RYR2: variants seen among roughly 807,000 people sequenced by gnomAD.
The protein encoded by RYR2 is ryanodine receptor 2.
In RYR2, 227 loss-of-function variants were observed where a neutral mutation model predicts 601.1. The ratio of observed to expected loss-of-function variants is 0.38; its 90% CI spans 0.34 to 0.42. RYR2 has a LOEUF of 0.42. Ranked by LOEUF, RYR2 falls within the 10% of genes least tolerant of loss-of-function variation. The probability of loss-of-function intolerance (pLI) is 1.00; values close to 1 mark genes in which losing one functional copy is unlikely to be tolerated. For synonymous variants in RYR2, 2,223 were observed against 2,175.1 expected, an observed-to-expected ratio of 1.02 and a Z score of -0.61; for missense variants, 4,646 against 6,156.5, an observed-to-expected ratio of 0.75 and a Z score of 8.21.
intron 1 of RYR2, among the ~76,000 whole-genome samples, chr1:237,065,245 C>A (rs1558171103): frequency 6.8e-6 from 1 of 147,844 alleles, no homozygotes; most frequent in Non-Finnish European, 1.5e-5. Flanking sequence ...CTGTTCCATC[C>A]TCAAAGAGCT....
intron 60 of RYR2, among the ~76,000 whole-genome samples, chr1:237,676,518 G>A (rs974189149): frequency 1.3e-5 from 2 of 152,144 alleles, no homozygotes; most frequent in African/African-American, 2.4e-5. Flanking sequence ...CTGATGTTGT[G>A]TGTACCGTTT....
At chr1:237,290,639 T>A (rs1210438549) in intron 2 of RYR2, among the ~76,000 whole-genome samples, 1 of 152,146 alleles carries the variant, frequency 6.6e-6, no homozygotes, top group Non-Finnish European at 1.5e-5. Flanking sequence ...CCATAGTATG[T>A]AAAGCAAACA....
chr1:237,548,071 GA>G (rs373869664), intron 25 of RYR2, among the ~76,000 whole-genome samples: 87 of 152,236 alleles, frequency 5.7e-4, no homozygotes, highest in African/African-American at 2.0e-3. Context: ...GACTTCACAG[GA>G]AGAGAAATCT....
intron 16 of RYR2, among the ~76,000 whole-genome samples, chr1:237,468,150 C>T (rs1660291197): frequency 6.6e-6 from 1 of 151,946 alleles, no homozygotes; most frequent in South Asian, 2.1e-4. Context: ...GAGCCACCAC[C>T]CCTGGCCTAC....
At chr1:237,139,626 A>G (rs1404000187) in intron 1 of RYR2, among the ~76,000 whole-genome samples, 2 of 152,176 alleles carry the variant, frequency 1.3e-5, no homozygotes, top group African/African-American at 4.8e-5. Context: ...TACCATGACA[A>G]TATCTCTGTG....
chr1:237,274,787 T>G (rs1690092334), intron 2 of RYR2, among the ~76,000 whole-genome samples: 1 of 152,136 alleles, frequency 6.6e-6, no homozygotes, highest in Non-Finnish European at 1.5e-5. Context: ...ATATCACATT[T>G]TTACTGTACT....
intron 1 of RYR2, among the ~76,000 whole-genome samples, chr1:237,179,076 A>T (rs976638235): frequency 2.0e-5 from 3 of 152,164 alleles, no homozygotes; most frequent in African/African-American, 7.2e-5. Flanking sequence ...AATAGCTCTT[A>T]TAATAAATGT....
chr1:237,204,538 A>G (rs568229428), intron 1 of RYR2, among the ~76,000 whole-genome samples: 24 of 152,064 alleles, frequency 1.6e-4, no homozygotes, highest in African/African-American at 5.1e-4. Context: ...CTAGGGTCGA[A>G]TCCTGCAAAT....
Position 237,614,184 on chromosome 1 carries a change from C to G in RYR2, c.5056C>G (p.Leu1686Val). The G allele has an allele frequency of 2.5e-6, 4 of 1,614,022 alleles. No individual in the cohort carries two copies. Among genetic ancestry groups the G allele is most frequent in the Non-Finnish European group, 3.4e-6 (4 of 1,179,894 alleles). ...CAGCCATGTGGATGAACCTCAGCTC[C>G]TCTATGCCATTGAGAACAAGTACAT... ...LCSHVDEPQL[L>V]YAIENKYMPG... is the part of the protein sequence containing the mutation. Residue 1686 changes from leucine (L) to valine (V), a missense_variant, in exon 37 of 105, where the codon CTC becomes GTC. By Grantham distance (32) the Leu-to-Val change is conservative (BLOSUM62 1). Transcript: ENST00000366574. This position sits in a 1 kb window ranked among gnomAD's most constrained non-coding sequence, Gnocchi z 4.3.
chr1:237,444,354 C>T (rs924114045), intron 13 of RYR2, among the ~76,000 whole-genome samples: 5 of 152,038 alleles, frequency 3.3e-5, no homozygotes, highest in African/African-American at 1.2e-4. Context: ...TTAATCAGGG[C>T]ACTTAAGGCT....
chr1:237,219,632 C>G (rs996487738), intron 1 of RYR2, among the ~76,000 whole-genome samples: 1 of 152,116 alleles, frequency 6.6e-6, no homozygotes, highest in Non-Finnish European at 1.5e-5. Flanking sequence ...GAGTACTGCA[C>G]AAACCTGAGA....
At chr1:237,216,899 C>T (rs1683241350) in intron 1 of RYR2, among the ~76,000 whole-genome samples, 1 of 152,128 alleles carries the variant, frequency 6.6e-6, no homozygotes, top group South Asian at 2.1e-4. Context: ...TGGCCCAGTG[C>T]TTTGTGCATA....
At chr1:237,114,676 TG>T (rs921174267) in intron 1 of RYR2, among the ~76,000 whole-genome samples, 12 of 152,246 alleles carry the variant, frequency 7.9e-5, no homozygotes, top group African/African-American at 2.6e-4. Context: ...AGGAAAATAA[TG>T]GGGGAAGGGG....
At chr1:237,671,520 C>CGTGTGT (rs368296995) in intron 58 of RYR2, among the ~76,000 whole-genome samples, 1 of 140,604 alleles carries the variant, frequency 7.1e-6, no homozygotes, top group African/African-American at 2.7e-5. Flanking sequence ...TGTGTGTGTG[C>CGTGTGT]GTGTGTGTGT....
intron 87 of RYR2, 53 bp from the exon 88 acceptor site, chr1:237,778,613 T>G (rs1694852701): frequency 2.1e-6 from 2 of 950,616 alleles, no homozygotes; most frequent in African/African-American, 3.2e-5. Flanking sequence ...GTACAGTTTG[T>G]TTTGGCAAAT....
chr1:237,640,773 A>T (rs1681381030), intron 46 of RYR2, 124 bp from the exon 47 acceptor site: 1 of 746,274 alleles, frequency 1.3e-6, no homozygotes, highest in African/African-American at 1.7e-5. Flanking sequence ...ATTATAACAT[A>T]TATGAAACAT....
intron 100 of RYR2, among the ~76,000 whole-genome samples, chr1:237,814,958 CTTT>C (rs1207413143): frequency 8.2e-6 from 1 of 122,616 alleles, no homozygotes; most frequent in Non-Finnish European, 1.7e-5. Flanking sequence ...CTCCTTTTTT[CTTT>C]TTTCTTTTTT....
At position 237,600,727 on chromosome 1, in the gene RYR2, A is replaced by G. The variant is rs1676409064; in HGVS notation, c.4597-1298A>G. 2.6e-5 allele frequency among the ~76,000 whole-genome samples: 4 copies of G among 152,216 alleles called. No homozygotes were observed. The South Asian group carries it at 6.2e-4, about 24-fold the overall frequency. The stretch of plus-strand genomic sequence containing the variant: ...CTGATAAGGGATCAATATCCAGAAT[A>G]TATAAGGAACACAAACAACAATAGT... On this transcript the variant is annotated intron_variant, in intron 34 of 104. Coordinates refer to ENST00000366574, the MANE Select transcript of RYR2 (RefSeq NM_001035.3).
In RYR2 at chr1:237,291,753, A is replaced by G. The variant is rs145473004; in HGVS notation, c.168+21137A>G. ...GACAGTAAAGAGATCAGAGGTTGCC[A>G]GGGATAAGGGGCAGGGAGGGATGAA... On this transcript the variant is annotated intron_variant, in intron 2 of 104. Transcript: ENST00000366574. Among the ~76,000 whole-genome samples the G allele has an allele frequency of 4.7e-3, 723 of 152,356 alleles. 6 individuals are homozygous for G. Among genetic ancestry groups the G allele is most frequent in the Admixed American group, 8.9e-3 (136 of 15,300 alleles).
Sources: allele counts gnomAD v4.1 joint callset (sites outside exome capture counted in the v4.1 genomes callset), GRCh38; gene constraint gnomAD v4.1.1; non-coding constraint Gnocchi (gnomAD v3.1); transcripts MANE v1.5; gene names NCBI Gene and HGNC (gene_info 2026-07-23, HGNC 2026-07-21).